Variants in UBR3 observed in about 807,000 individuals in gnomAD.
UBR3 encodes E3 ubiquitin-protein ligase UBR3.
Under a neutral mutation model 243.2 loss-of-function variants are expected in UBR3, and 85 were observed. The ratio of observed to expected loss-of-function variants is 0.35; its 90% CI spans 0.29 to 0.42. The LOEUF (loss-of-function observed/expected upper bound fraction) is 0.42, where lower values mean the gene tolerates loss of function less well. UBR3 is among the 10% of genes least tolerant of loss of function. UBR3 has a pLI of 1.00. For synonymous variants in UBR3, 748 were observed against 799.8 expected, an observed-to-expected ratio of 0.94 and a Z score of 1.09; for missense variants, 1,686 against 2,300.8, an observed-to-expected ratio of 0.73 and a Z score of 5.47.
At chr2:169,852,883 A>AAAAAAAAAAAAAC in intron 1 of UBR3, among the ~76,000 whole-genome samples, 1 of 59,732 alleles carries the variant, frequency 1.7e-5, no homozygotes, top group Non-Finnish European at 5.7e-5. Flanking sequence ...AAAAAACAAA[A>AAAAAAAAAAAAAC]CCAAACAAAT....
intron 32 of UBR3, among the ~76,000 whole-genome samples, chr2:170,048,545 A>G (rs2091143662): frequency 6.6e-6 from 1 of 152,174 alleles, no homozygotes; most frequent in Non-Finnish European, 1.5e-5. Context: ...ACCTTCCTCA[A>G]AGGACTTGCT....
intron 1 of UBR3, among the ~76,000 whole-genome samples, chr2:169,831,542 A>G (rs1255192179): frequency 6.6e-6 from 1 of 152,190 alleles, no homozygotes; most frequent in East Asian, 1.9e-4. Context: ...CAGTTTCATA[A>G]AGGGCAAGAT....
rs182803480 is a variant in UBR3, at chr2:169,996,861, G to A, written c.3918+2405G>A. Among the ~76,000 whole-genome samples, 563 of 151,550 alleles carry A rather than the reference G, an allele frequency of 3.7e-3. 1 individual carries two copies. The highest frequency in any genetic ancestry group is 6.8e-3 in the Non-Finnish European group (464 of 67,802). On this transcript the variant is annotated intron_variant, in intron 26 of 38. Coordinates refer to ENST00000272793, the MANE Select transcript of UBR3 (RefSeq NM_172070.4). ...ACTACAGGCGCCCACCACCATGTCC[G>A]GCTAATTTTTTATATTTTTAGTAGA...
intron 11 of UBR3, among the ~76,000 whole-genome samples, chr2:169,916,376 C>T (rs1330913550): frequency 6.6e-6 from 1 of 152,082 alleles, no homozygotes; most frequent in East Asian, 1.9e-4. Flanking sequence ...CAACTCTCAT[C>T]TCAGTTGCCT....
chr2:169,983,737 A>AT (rs1362934709), intron 24 of UBR3, among the ~76,000 whole-genome samples: 5 of 152,186 alleles, frequency 3.3e-5, no homozygotes, highest in Admixed American at 3.3e-4. Context: ...TAGCATTCAG[A>AT]AGAATCAGCT....
intron 2 of UBR3, among the ~76,000 whole-genome samples, chr2:169,874,871 T>A (rs763299653): frequency 2.5e-4 from 38 of 152,292 alleles, no homozygotes; most frequent in Middle Eastern, 3.4e-3. Context: ...TTGTTTGTTT[T>A]TGTTTTAAAA....
chr2:170,077,572 TGCG>T, intron 36 of UBR3: 1 of 596,910 alleles, frequency 1.7e-6, no homozygotes, highest in Non-Finnish European at 3.0e-6. Context: ...CCTCTATGCC[TGCG>T]TCTTTCTCTT....
chr2:169,903,722 A>G (rs1487805840), intron 8 of UBR3, among the ~76,000 whole-genome samples: 1 of 152,190 alleles, frequency 6.6e-6, no homozygotes, highest in Non-Finnish European at 1.5e-5. Flanking sequence ...AAAGTGAGGA[A>G]TCATTTAAAA....
chr2:169,945,130 TTTTC>T (rs1337379528), intron 20 of UBR3, among the ~76,000 whole-genome samples: 1 of 152,000 alleles, frequency 6.6e-6, no homozygotes, highest in African/African-American at 2.4e-5. Flanking sequence ...TCAGTTTTAT[TTTTC>T]TTTCTTTTAG....
chr2:169,888,108 A>T (rs1261354502), intron 5 of UBR3, among the ~76,000 whole-genome samples: 2 of 121,002 alleles, frequency 1.7e-5, no homozygotes, highest in South Asian at 2.9e-4. Flanking sequence ...CTGTGTTATG[A>T]CTTTATTTAT....
At chr2:169,939,055 GT>G (rs2105354531) in intron 19 of UBR3, among the ~76,000 whole-genome samples, 1 of 151,002 alleles carries the variant, frequency 6.6e-6, no homozygotes, top group African/African-American at 2.4e-5. Flanking sequence ...TTTATTTTAC[GT>G]TTATATTTAA....
chr2:169,968,494 C>A (rs1477260143), intron 24 of UBR3, among the ~76,000 whole-genome samples: 1 of 152,132 alleles, frequency 6.6e-6, no homozygotes, highest in African/African-American at 2.4e-5. Context: ...TAATGACTTC[C>A]AGTTCCATCC....
chr2:169,958,304 T>G, intron 23 of UBR3, 134 bp from the exon 24 acceptor site: 3 of 618,568 alleles, frequency 4.8e-6, no homozygotes, highest in Non-Finnish European at 7.8e-6. Context: ...TAGAAGAAAT[T>G]TAATACATAA....
chr2:169,943,971 T>C (rs1374998960), intron 20 of UBR3, among the ~76,000 whole-genome samples: 3 of 152,214 alleles, frequency 2.0e-5, no homozygotes, highest in African/African-American at 7.2e-5. Context: ...AAAGTTTTCC[T>C]GTTACGATTT....
rs142611924 is a variant in UBR3 at position 169,829,671 on chromosome 2, C to T, written c.545+1619C>T. Among the ~76,000 whole-genome samples the T allele has an allele frequency of 4.7e-3, 716 of 152,246 alleles. 7 individuals carry two copies. Among genetic ancestry groups the T allele is most frequent in the African/African-American group, 0.016 (667 of 41,536 alleles). ...AACTCCCGACCTCAGGTGATCCGCC[C>T]GCGTCGGCCTCCCAAGTGCTGGGAT... On this transcript the variant is annotated intron_variant, in intron 1 of 38. Coordinates refer to ENST00000272793, the MANE Select transcript of UBR3 (RefSeq NM_172070.4).
rs79075808 is a variant in UBR3, at chr2:169,969,562, T to G, written c.3634+11036T>G. On this transcript the variant is annotated intron_variant, in intron 24 of 38. Transcript: ENST00000272793. ...TCCATTTGTGTCTTTTTTTTTTTTT[T>G]TTGTTAGATGGATTCTTGCTCTGTT... is the stretch of plus-strand genomic sequence containing the variant. Among the ~76,000 whole-genome samples, 969 of 151,516 alleles carry G rather than the reference T, an allele frequency of 6.4e-3. 5 individuals are homozygous for G. Among genetic ancestry groups the G allele is most frequent in the East Asian group, 0.018 (92 of 5,172 alleles).
intron 31 of UBR3, among the ~76,000 whole-genome samples, chr2:170,035,909 T>TC (rs1553538282): frequency 4.6e-5 from 1 of 21,938 alleles, no homozygotes; most frequent in South Asian, 3.2e-3. Context: ...AAGTATTTTA[T>TC]TGGGGGGGGG....
chr2:169,857,070 T>G (rs1368308081), intron 1 of UBR3, among the ~76,000 whole-genome samples: 2 of 89,222 alleles, frequency 2.2e-5, no homozygotes, highest in East Asian at 3.1e-4. Flanking sequence ...TTATGTTTTT[T>G]TTTTTTTTTT....
At chr2:169,859,350 C>G (rs776831624) in intron 1 of UBR3, among the ~76,000 whole-genome samples, 7 of 152,078 alleles carry the variant, frequency 4.6e-5, no homozygotes, top group Non-Finnish European at 1.0e-4. Flanking sequence ...GGATTATAGG[C>G]GTGACACACT....
Sources: gnomAD v4.1 joint callset for allele counts (sites outside exome capture counted in the v4.1 genomes callset) on GRCh38, gnomAD v4.1.1 for gene constraint, MANE v1.5 for transcripts, NCBI Gene and HGNC (gene_info 2026-07-23, HGNC 2026-07-21) for gene names.